The following DOP1B variants were observed in gnomAD, a reference collection of about 807,000 sequenced individuals.
DOP1B encodes the protein DOP1 leucine zipper like protein B.
Under a neutral mutation model 233.5 loss-of-function variants are expected in DOP1B, and 174 were observed. That is an observed-to-expected ratio of 0.75 (90% CI 0.66 to 0.85). The LOEUF (loss-of-function observed/expected upper bound fraction) is 0.85, where lower values mean the gene tolerates loss of function less well. DOP1B is among the 40% of genes least tolerant of loss of function. DOP1B has a pLI of 0.00. For synonymous variants in DOP1B, 1,190 were observed against 1,185.6 expected, an observed-to-expected ratio of 1.00 and a Z score of -0.08; for missense variants, 2,652 against 2,846.6, an observed-to-expected ratio of 0.93 and a Z score of 1.56.
intron 2 of DOP1B, among the ~76,000 whole-genome samples, chr21:36,191,650 G>A (rs1569010909): frequency 6.6e-6 from 1 of 152,262 alleles, no homozygotes; most frequent in East Asian, 1.9e-4. Context: ...GCCGGGCATG[G>A]TGGCACGTGC....
Position 36,245,179 on chromosome 21 carries a change from A to G in DOP1B, c.3199A>G (p.Ile1067Val), listed in dbSNP as rs748112344. ...SQFTTVDREA[I>V]WAEVEKEPEK... ...GTTCACCACAGTGGACCGTGAAGCCATTTGGGCCGAAGTGGAGAAGGAGCC... is the reference window on the plus strand; with the variant it reads ...GTTCACCACAGTGGACCGTGAAGCCGTTTGGGCCGAAGTGGAGAAGGAGCC... Residue 1067 changes from isoleucine (I) to valine (V), a missense_variant, in exon 19 of 37, where the codon ATT (isoleucine) becomes GTT (valine). This residue lies in a region of DOP1B where 2,617 missense variants were observed against 2,794.3 expected (regional missense o/e 0.94). Coordinates refer to ENST00000691173, the MANE Select transcript of DOP1B (RefSeq NM_001320714.2). This position sits in a 1 kb window ranked among gnomAD's most constrained non-coding sequence, Gnocchi z 5.5. 1.2e-6 allele frequency: 2 copies of G among 1,614,030 alleles called. No individual in the cohort carries two copies. The highest frequency in any genetic ancestry group is 1.1e-5 in the South Asian group (1 of 91,080).
rs754707485 is a variant in DOP1B at position 36,231,037 on chromosome 21, C to T, written c.2253C>T (p.Ala751=). 5.7e-5 allele frequency: 92 copies of T among 1,613,976 alleles called. No individual in the cohort carries two copies. The East Asian group carries it at 1.3e-3, about 23-fold the overall frequency. Reference sequence around the variant, plus strand: ...GGGAGGAACGCAGGGAGGCCTTTGCCGCCGCCTGCCACCTGCTGCTGGATT... The same window carrying T: ...GGGAGGAACGCAGGGAGGCCTTTGCTGCCGCCTGCCACCTGCTGCTGGATT... ...GSREERREAF[A]AACHLLLDCA... Residue 751 remains alanine (A), a synonymous_variant, in exon 14 of 37, where the codon GCC becomes GCT. Transcript: ENST00000691173.
At chr21:36,218,148 A>G (rs2066582470) in intron 9 of DOP1B, among the ~76,000 whole-genome samples, 1 of 152,156 alleles carries the variant, frequency 6.6e-6, no homozygotes, top group Non-Finnish European at 1.5e-5. Context: ...CTTTAGCCAT[A>G]CCTCATTTCC....
intron 26 of DOP1B, among the ~76,000 whole-genome samples, chr21:36,265,961 C>G (rs935600493): frequency 6.6e-6 from 1 of 152,040 alleles, no homozygotes; most frequent in Non-Finnish European, 1.5e-5. Context: ...TGGCATTCCC[C>G]ACCTAGAGAT....
At position 36,236,777 on chromosome 21, in the gene DOP1B, C is replaced by CTTTTTCT. The variant is rs1555893577; in HGVS notation, c.2623-480_2623-479insCTTTTTT. Among the ~76,000 whole-genome samples the CTTTTTCT allele has an allele frequency of 1.0e-4, 12 of 118,564 alleles. No individual in the cohort carries two copies. In the East Asian group the frequency reaches 1.4e-3, roughly 14 times the overall value. The allele number at this position is 118,564 out of a possible 152,430, so 77.8% of individuals were successfully genotyped here. On this transcript the variant is annotated intron_variant, in intron 15 of 36. Transcript: ENST00000691173. ...TTTTTTCTTTTTTCTTTTTCTTTTT[C>CTTTTTCT]TTTTTTTTTTTTTTTTTGAGACAGA...
chr21:36,276,945 A>G, intron 27 of DOP1B, 76 bp from the exon 28 acceptor site: 1 of 1,465,582 alleles, frequency 6.8e-7, no homozygotes, highest in South Asian at 1.2e-5. Context: ...GCTCACATTC[A>G]TGCAGGGCTT....
At chr21:36,160,048 TTAG>T (rs1167382445) in intron 1 of DOP1B, among the ~76,000 whole-genome samples, 1 of 152,162 alleles carries the variant, frequency 6.6e-6, no homozygotes, top group Non-Finnish European at 1.5e-5. Context: ...GTTTAGACAC[TTAG>T]TAGAGTGAAC....
intron 5 of DOP1B, among the ~76,000 whole-genome samples, chr21:36,210,083 C>T (rs1273610320): frequency 6.6e-6 from 1 of 152,164 alleles, no homozygotes. Context: ...TCTCCATCGT[C>T]TCAGCCCTGC....
chr21:36,283,874 A>G (rs914548778), intron 32 of DOP1B, among the ~76,000 whole-genome samples: 1 of 148,112 alleles, frequency 6.8e-6, no homozygotes, highest in Admixed American at 6.7e-5. Flanking sequence ...AGGAGAGCAT[A>G]TTGGGCAATG....
chr21:36,164,769 C>A lies in DOP1B; in HGVS notation c.36C>A (p.Tyr12Ter), dbSNP rs980640071. ...AAGAGCAGGAGCTCTTAAATGATTA[C>A]AGATACAGAAGCTACTCTTCAGTGA... Reference protein sequence around the residue: ...DPEEQELLNDYRYRSYSSVIE... With the variant: ...DPEEQELLND The change falls in exon 2 of 37, where the codon TAC becomes TAA. Residue 12 changes from tyrosine (Y) to a stop codon, truncating the protein, a stop_gained. Transcript: ENST00000691173. LOFTEE classifies it high-confidence loss of function. 1 of 1,610,554 alleles carries A rather than the reference C, an allele frequency of 6.2e-7. No individual in the cohort carries two copies. The highest frequency in any genetic ancestry group is 8.5e-7 in the Non-Finnish European group (1 of 1,178,768).
intron 2 of DOP1B, among the ~76,000 whole-genome samples, chr21:36,190,144 C>A (rs546461066): frequency 2.0e-5 from 3 of 151,990 alleles, no homozygotes; most frequent in African/African-American, 7.2e-5. Flanking sequence ...ATGGTGAAAC[C>A]CCGTCTCTAA....
At chr21:36,256,813 A>C (rs2067103037) in intron 23 of DOP1B, among the ~76,000 whole-genome samples, 8 of 152,174 alleles carry the variant, frequency 5.3e-5, no homozygotes, top group Admixed American at 4.6e-4. Context: ...CAATCAACAC[A>C]GAAGACTTCT....
chr21:36,221,767 G>T (rs2066625646), intron 10 of DOP1B, among the ~76,000 whole-genome samples: 1 of 151,978 alleles, frequency 6.6e-6, no homozygotes, highest in Non-Finnish European at 1.5e-5. Context: ...AGTGGAGATG[G>T]GGTTTTCACC....
chr21:36,230,540 T>C lies in DOP1B; in HGVS notation c.1756T>C (p.Ser586Pro). ...AGATGCTTCGTTTCCCCCTCTGAAG[T>C]CTGAGGACAGTGGGATCGGGCTCAG... ...DEDASFPPLK[S>P]EDSGIGLSAS... is the part of the protein sequence containing the mutation. The change falls in exon 14 of 37, where the codon TCT (serine) becomes CCT (proline). Residue 586 changes from serine (S) to proline (P), a missense_variant. Physicochemically the swap from Ser to Pro is moderately conservative, Grantham distance 74 (BLOSUM62 -1). Around this residue, in one of 3 missense-constraint regions of DOP1B, gnomAD observed 2,617 missense variants for 2,794.3 expected, o/e 0.94. Transcript: ENST00000691173. The C allele has an allele frequency of 6.2e-7, 1 of 1,614,190 alleles. No homozygotes were observed. Among genetic ancestry groups the C allele is most frequent in the Non-Finnish European group, 8.5e-7 (1 of 1,180,048 alleles).
In DOP1B at chr21:36,245,882, A is replaced by G. The variant is rs201825608; in HGVS notation, c.3902A>G (p.Gln1301Arg). The G allele has an allele frequency of 3.8e-4, 619 of 1,613,754 alleles. 6 individuals carry two copies. The South Asian group carries it at 4.1e-3, about 11-fold the overall frequency. The change falls in exon 19 of 37, where the codon CAG (glutamine) becomes CGG (arginine). Residue 1301 changes from glutamine to arginine, a missense_variant. Gln to Arg is a conservative substitution (Grantham distance 43). This residue lies in a region of DOP1B where 2,617 missense variants were observed against 2,794.3 expected (regional missense o/e 0.94). Coordinates refer to ENST00000691173, the MANE Select transcript of DOP1B (RefSeq NM_001320714.2). This position sits in a 1 kb window ranked among gnomAD's most constrained non-coding sequence, Gnocchi z 5.5. The part of the protein sequence containing the change: ...GQSFYGKLQT[Q>R]VPNVCPHSLL... ...AGTTTCTACGGAAAGCTCCAGACCCAGGTCCCCAACGTGTGCCCCCACTCT... is the reference window on the plus strand; with the variant it reads ...AGTTTCTACGGAAAGCTCCAGACCCGGGTCCCCAACGTGTGCCCCCACTCT...
chr21:36,198,748 C>T (rs2066322808), intron 2 of DOP1B, among the ~76,000 whole-genome samples: 1 of 152,234 alleles, frequency 6.6e-6, no homozygotes, highest in Non-Finnish European at 1.5e-5. Flanking sequence ...GGCTTTAATC[C>T]CAATCCATAT....
At chr21:36,249,295 G>A (rs2067006386) in intron 21 of DOP1B, among the ~76,000 whole-genome samples, 1 of 151,988 alleles carries the variant, frequency 6.6e-6, no homozygotes, top group Non-Finnish European at 1.5e-5. Flanking sequence ...GGGTATGGTG[G>A]CAGGCACCTG....
intron 2 of DOP1B, among the ~76,000 whole-genome samples, chr21:36,176,097 C>CGTGTGCGTGTGTGTGT (rs375729449): frequency 8.7e-4 from 123 of 141,848 alleles, no homozygotes; most frequent in Non-Finnish European, 1.5e-3. Flanking sequence ...GGTGTGTGTG[C>CGTGTGCGTGTGTGTGT]GTGTGTGTGT....
At chr21:36,199,442 C>CTT (rs771744180) in intron 3 of DOP1B, among the ~76,000 whole-genome samples, 191 bp downstream of exon 3, 1 of 145,274 alleles carries the variant, frequency 6.9e-6, no homozygotes. Context: ...TGCTTTCTTT[C>CTT]TTTTTTTTTT....
Sources: allele counts gnomAD v4.1 joint callset (sites outside exome capture counted in the v4.1 genomes callset), GRCh38; gene constraint gnomAD v4.1.1; regional missense constraint gnomAD v4.1.1; non-coding constraint Gnocchi (gnomAD v3.1); transcripts MANE v1.5; gene names NCBI Gene and HGNC (gene_info 2026-07-23, HGNC 2026-07-21).